Variants in RPH3A observed in about 807,000 individuals in gnomAD.
The protein encoded by RPH3A is rabphilin-3A.
Under a neutral mutation model 102.2 loss-of-function variants are expected in RPH3A, and 48 were observed. That is an observed-to-expected ratio of 0.47 (90% CI 0.37 to 0.60). The LOEUF (loss-of-function observed/expected upper bound fraction) is 0.60, where lower values mean the gene tolerates loss of function less well. Ranked by LOEUF, RPH3A falls within the 20% of genes least tolerant of loss-of-function variation. RPH3A has a pLI of 0.00. For missense variants in RPH3A, 781 were observed against 910.1 expected (o/e 0.86, Z 1.83); for synonymous variants, 310 against 324.3 (o/e 0.96, Z 0.47).
intron 1 of RPH3A, among the ~76,000 whole-genome samples, chr12:112,674,120 C>T (rs992904322): frequency 7.9e-5 from 12 of 152,184 alleles, no homozygotes; most frequent in East Asian, 3.9e-4. Flanking sequence ...TGCAGTGGCA[C>T]GATCATAGCT....
At chr12:112,875,771 C>T in intron 12 of RPH3A, 30 bp downstream of exon 12, 1 of 1,606,278 alleles carries the variant, frequency 6.2e-7, no homozygotes, top group Non-Finnish European at 8.5e-7. Flanking sequence ...CATGCCTGCC[C>T]AAGTGGCCAC....
intron 2 of RPH3A, among the ~76,000 whole-genome samples, chr12:112,817,844 A>T (rs999671919): frequency 6.6e-6 from 1 of 152,120 alleles, no homozygotes; most frequent in Non-Finnish European, 1.5e-5. Flanking sequence ...GAAGGATTCA[A>T]GGGGGTTGCT....
chr12:112,713,526 A>C (rs2040494909), intron 1 of RPH3A, among the ~76,000 whole-genome samples: 1 of 151,870 alleles, frequency 6.6e-6, no homozygotes, highest in Admixed American at 6.6e-5. Context: ...ATATTTTTGG[A>C]AAATATTTGT....
At chr12:112,582,945 G>T (rs2039410715) in intron 1 of RPH3A, among the ~76,000 whole-genome samples, 1 of 152,040 alleles carries the variant, frequency 6.6e-6, no homozygotes, top group Admixed American at 6.6e-5. Flanking sequence ...TCTTTCAATG[G>T]TTCTATTTGT....
intron 1 of RPH3A, among the ~76,000 whole-genome samples, chr12:112,679,736 A>G (rs1657616151): frequency 6.6e-6 from 1 of 152,158 alleles, no homozygotes; most frequent in Non-Finnish European, 1.5e-5. Context: ...TACTTACCAG[A>G]CTTTTAATGA....
chr12:112,677,347 C>T (rs900638186), intron 1 of RPH3A, among the ~76,000 whole-genome samples: 2 of 81,412 alleles, frequency 2.5e-5, no homozygotes, highest in Non-Finnish European at 5.4e-5. Flanking sequence ...CCCTCCTTCC[C>T]TTCCTCCCTC....
intron 4 of RPH3A, among the ~76,000 whole-genome samples, chr12:112,837,357 T>C (rs1294761535): frequency 6.6e-6 from 1 of 152,188 alleles, no homozygotes; most frequent in East Asian, 1.9e-4. Flanking sequence ...CCAAACAAAG[T>C]TAGATGAAGG....
intron 1 of RPH3A, among the ~76,000 whole-genome samples, chr12:112,730,869 C>T (rs958656378): frequency 1.3e-5 from 2 of 152,108 alleles, no homozygotes; most frequent in Non-Finnish European, 2.9e-5. Context: ...GAAATGAGGC[C>T]AGCCCTGGCC....
intron 1 of RPH3A, among the ~76,000 whole-genome samples, chr12:112,612,404 T>C (rs2039645674): frequency 6.6e-6 from 1 of 152,154 alleles, no homozygotes; most frequent in Non-Finnish European, 1.5e-5. Context: ...GCAATGGTTT[T>C]TCCTCTTGGG....
intron 1 of RPH3A, among the ~76,000 whole-genome samples, chr12:112,687,499 G>A (rs987968137): frequency 3.9e-5 from 6 of 152,224 alleles, no homozygotes; most frequent in Non-Finnish European, 8.8e-5. Flanking sequence ...GGAGGCTGGG[G>A]ACATGAGACT....
intron 2 of RPH3A, among the ~76,000 whole-genome samples, chr12:112,826,062 T>C (rs1472133268): frequency 6.6e-6 from 1 of 152,098 alleles, no homozygotes. Context: ...AAGCCCTGCA[T>C]GCATTAGCTA....
At chr12:112,890,658 G>T (rs2043078179) in intron 18 of RPH3A, among the ~76,000 whole-genome samples, 191 bp from the exon 19 acceptor site, 1 of 152,222 alleles carries the variant, frequency 6.6e-6, no homozygotes, top group Non-Finnish European at 1.5e-5. Context: ...GTCCCCATGT[G>T]CCTGAGACTG....
At chr12:112,583,478 C>T (rs1185113719) in intron 1 of RPH3A, among the ~76,000 whole-genome samples, 1 of 151,362 alleles carries the variant, frequency 6.6e-6, no homozygotes, top group Non-Finnish European at 1.5e-5. Flanking sequence ...CTCCTAGAAA[C>T]ATCTGTAATT....
chr12:112,587,619 A>C (rs1474542436), intron 1 of RPH3A, among the ~76,000 whole-genome samples: 2 of 152,288 alleles, frequency 1.3e-5, no homozygotes, highest in South Asian at 2.1e-4. Context: ...ACAACATCAC[A>C]GCCCCTTATG....
chr12:112,653,040 G>A (rs1245165973), intron 1 of RPH3A, among the ~76,000 whole-genome samples: 1 of 152,144 alleles, frequency 6.6e-6, no homozygotes, highest in African/African-American at 2.4e-5. Context: ...ACAGTTGTAA[G>A]TATTTGTGTA....
rs190493533 is a variant in RPH3A, at chr12:112,618,286, C to G, written c.-140+42967C>G. 1.5e-3 allele frequency among the ~76,000 whole-genome samples: 233 copies of G among 150,520 alleles called. 1 individual carries two copies. The highest frequency in any genetic ancestry group is 5.6e-3 in the African/African-American group (226 of 40,008). On this transcript the variant is annotated intron_variant, in intron 1 of 21. Coordinates refer to the RPH3A transcript ENST00000543106. ...AGGGGCTTCTTCTCCCTCAGTCTCA[C>G]CTGCTTCTCCTCCTGTCCCAGGTCT...
At chr12:112,885,415 G>A (rs937567015) in intron 16 of RPH3A, among the ~76,000 whole-genome samples, 5 of 152,110 alleles carry the variant, frequency 3.3e-5, no homozygotes, top group Non-Finnish European at 7.4e-5. Flanking sequence ...GTTGCGTTGT[G>A]GTTCCAAATT....
At chr12:112,883,262 G>C (rs1227875103) in intron 15 of RPH3A, 31 bp from the exon 16 acceptor site, 1 of 1,568,278 alleles carries the variant, frequency 6.4e-7, no homozygotes, top group Admixed American at 1.7e-5. Context: ...CACTGAGGTA[G>C]GTGTCTCTGT....
At chr12:112,725,878 C>A (rs934389166) in intron 1 of RPH3A, among the ~76,000 whole-genome samples, 3 of 151,736 alleles carry the variant, frequency 2.0e-5, no homozygotes, top group Non-Finnish European at 4.4e-5. Context: ...TCACTGCAAC[C>A]TCTGCCTCCC....
Sources: allele counts gnomAD v4.1 joint callset (sites outside exome capture counted in the v4.1 genomes callset), GRCh38; gene constraint gnomAD v4.1.1; transcripts MANE v1.5; gene names NCBI Gene and HGNC (gene_info 2026-07-23, HGNC 2026-07-21).